CNBD2: variants seen among roughly 807,000 people sequenced by gnomAD.
The protein encoded by CNBD2 is cyclic nucleotide binding domain containing 2.
CNBD2 carries 64 observed loss-of-function variants against 63.7 expected under a neutral mutation model. The observed-to-expected ratio is 1.00, with a 90% confidence interval of 0.82 to 1.24. CNBD2 has a LOEUF of 1.24. Among genes scored for constraint, CNBD2 ranks in the 50% most tolerant of loss-of-function variants. CNBD2 has a pLI of 0.00. For synonymous variants in CNBD2, 229 were observed against 255.4 expected, an observed-to-expected ratio of 0.90 and a Z score of 0.99; for missense variants, 691 against 713.5, an observed-to-expected ratio of 0.97 and a Z score of 0.36.
chr20:35,972,913 A>T, intron 2 of CNBD2, 147 bp downstream of exon 2: 1 of 708,430 alleles, frequency 1.4e-6, no homozygotes. Context: ...TAATGGCCAT[A>T]CTTCTGTTGG....
intron 10 of CNBD2, among the ~76,000 whole-genome samples, chr20:36,018,741 CCT>C (rs1262632086): frequency 1.3e-5 from 2 of 152,204 alleles, no homozygotes; most frequent in Non-Finnish European, 2.9e-5. Context: ...CAGGCTGAGG[CCT>C]CTGAGGTGGT....
chr20:36,004,652 G>C (rs184186558), intron 8 of CNBD2, among the ~76,000 whole-genome samples: 1 of 151,972 alleles, frequency 6.6e-6, no homozygotes, highest in African/African-American at 2.4e-5. Context: ...TTGCAGCCTG[G>C]ACCTCCTGGG....
chr20:35,985,753 G>T (rs6142472), intron 6 of CNBD2, among the ~76,000 whole-genome samples: 28,268 of 152,160 alleles, frequency 0.19, 2,850 homozygotes, highest in South Asian at 0.41. Flanking sequence ...CTCCCAAAGT[G>T]CTGGGATTAC....
chr20:35,971,677 A>G lies in CNBD2; in HGVS notation c.52-952A>G, dbSNP rs556761790. ...GTGATTCACCCGCCTTGGCCTCCCA[A>G]AGTGCTGGGATTACAGGCGTGAGCC... On this transcript the variant is annotated intron_variant, in intron 1 of 11. Transcript: ENST00000373973. Among the ~76,000 whole-genome samples the G allele has an allele frequency of 3.3e-5, 5 of 152,270 alleles. 1 individual carries two copies. Among genetic ancestry groups the G allele is most frequent in the African/African-American group, 1.2e-4 (5 of 41,554 alleles).
At chr20:35,975,191 C>T (rs1406534316) in intron 2 of CNBD2, among the ~76,000 whole-genome samples, 8 of 133,848 alleles carry the variant, frequency 6.0e-5, no homozygotes, top group African/African-American at 2.1e-4. Context: ...TTAGTAGAGA[C>T]GGGGTTTCAC....
chr20:36,012,559 G>T (rs907630293), intron 10 of CNBD2, among the ~76,000 whole-genome samples: 3 of 151,706 alleles, frequency 2.0e-5, no homozygotes, highest in African/African-American at 7.3e-5. Context: ...CAATTTCTAG[G>T]CCAGGCATCG....
chr20:36,018,054 A>G (rs937801151), intron 10 of CNBD2, among the ~76,000 whole-genome samples: 3 of 152,244 alleles, frequency 2.0e-5, no homozygotes, highest in Non-Finnish European at 2.9e-5. Flanking sequence ...CCCCACGCCC[A>G]GTTTCCCCTG....
chr20:36,030,249 G>A, intron 11 of CNBD2, 108 bp from the exon 12 acceptor site: 2 of 1,087,308 alleles, frequency 1.8e-6, no homozygotes, highest in Non-Finnish European at 2.8e-6. Flanking sequence ...GGGAGGGTCA[G>A]AGAAGCAGAA....
downstream of CNBD2, among the ~76,000 whole-genome samples, chr20:35,957,180 A>G (rs2056264870): frequency 6.6e-6 from 1 of 152,156 alleles, no homozygotes; most frequent in Non-Finnish European, 1.5e-5. Flanking sequence ...GTCAGACTGG[A>G]AGGGCCCTTA....
At chr20:36,017,056 C>G (rs1169889006) in intron 10 of CNBD2, among the ~76,000 whole-genome samples, 3 of 116,098 alleles carry the variant, frequency 2.6e-5, no homozygotes, top group African/African-American at 3.8e-5. Context: ...GAGAGCCTGT[C>G]TCAAAAAAAA....
chr20:35,994,233 T>G (rs2056789454), intron 7 of CNBD2, among the ~76,000 whole-genome samples: 1 of 151,988 alleles, frequency 6.6e-6, no homozygotes, highest in Non-Finnish European at 1.5e-5. Flanking sequence ...ACCCGGCTAA[T>G]TTTGTATTTT....
intron 10 of CNBD2, among the ~76,000 whole-genome samples, chr20:36,012,752 G>A (rs1412860568): frequency 6.6e-6 from 1 of 150,656 alleles, no homozygotes; most frequent in African/African-American, 2.5e-5. Context: ...AACCTAGGAG[G>A]CGGAGGTTGC....
chr20:35,997,354 C>T (rs555876931), intron 8 of CNBD2, among the ~76,000 whole-genome samples: 3 of 152,188 alleles, frequency 2.0e-5, no homozygotes, highest in Admixed American at 6.5e-5. Flanking sequence ...CACAGGGTGG[C>T]GAGGAGAAGG....
chr20:36,004,795 T>C (rs1376059154), intron 8 of CNBD2, among the ~76,000 whole-genome samples: 1 of 152,092 alleles, frequency 6.6e-6, no homozygotes, highest in East Asian at 1.9e-4. Flanking sequence ...ACTCCTGGCC[T>C]CAAGGGATCT....
At chr20:35,972,891 G>T in intron 2 of CNBD2, 125 bp downstream of exon 2, 1 of 879,824 alleles carries the variant, frequency 1.1e-6, no homozygotes, top group Non-Finnish European at 1.8e-6. Flanking sequence ...GAGACCCAAT[G>T]GTCACTTTTA....
intron 8 of CNBD2, among the ~76,000 whole-genome samples, chr20:36,001,706 C>T (rs1403537660): frequency 4.6e-5 from 7 of 151,972 alleles, no homozygotes; most frequent in African/African-American, 1.7e-4. Context: ...AGACGCTCCT[C>T]ACCTCCCAGA....
At chr20:36,005,461 C>T (rs763010274) in intron 8 of CNBD2, among the ~76,000 whole-genome samples, 1 of 152,166 alleles carries the variant, frequency 6.6e-6, no homozygotes, top group African/African-American at 2.4e-5. Flanking sequence ...TAACAGGCCA[C>T]GGACCTGTAC....
chr20:35,975,870 A>G, intron 2 of CNBD2, 79 bp from the exon 3 acceptor site: 1 of 1,300,256 alleles, frequency 7.7e-7, no homozygotes, highest in African/African-American at 1.5e-5. Flanking sequence ...TGGTCCAGGT[A>G]GACAGGAGGG....
intron 2 of CNBD2, 179 bp downstream of exon 2, chr20:35,972,945 A>G (rs959739062): frequency 4.7e-6 from 3 of 633,418 alleles, no homozygotes; most frequent in South Asian, 3.9e-5. Context: ...TACATCATCA[A>G]CCAAGAGGTT....
Sources: gnomAD v4.1 joint callset for allele counts (sites outside exome capture counted in the v4.1 genomes callset) on GRCh38, gnomAD v4.1.1 for gene constraint, MANE v1.5 for transcripts, NCBI Gene and HGNC (gene_info 2026-07-23, HGNC 2026-07-21) for gene names.